Variants in MASP1 observed in about 807,000 individuals in gnomAD.
MASP1 encodes the protein mannan-binding lectin serine protease 1.
Under a neutral mutation model 77.1 loss-of-function variants are expected in MASP1, and 59 were observed. That is an observed-to-expected ratio of 0.77 (90% confidence interval 0.62 to 0.95). MASP1 has a LOEUF of 0.95. Among genes scored for constraint, MASP1 ranks in the 40% least tolerant of loss-of-function variants. The probability of loss-of-function intolerance (pLI) is 0.00; values close to 1 mark genes in which losing one functional copy is unlikely to be tolerated. For missense variants in MASP1, 885 were observed against 912.9 expected (o/e 0.97, Z 0.39); for synonymous variants, 362 against 354.5 (o/e 1.02, Z -0.24).
chr3:187,254,367 T>C (rs1714889271), intron 5 of MASP1, among the ~76,000 whole-genome samples: 1 of 152,100 alleles, frequency 6.6e-6, no homozygotes, highest in Admixed American at 6.6e-5. Context: ...AGGATGAGTA[T>C]GAGCCTATTT....
At chr3:187,276,457 T>G (rs1354777176) in intron 2 of MASP1, 1 of 152,240 alleles carries the variant, frequency 6.6e-6, no homozygotes, top group Non-Finnish European at 1.5e-5. Context: ...AACTTTTCCC[T>G]TTATAAGCAC....
intron 4 of MASP1, among the ~76,000 whole-genome samples, chr3:187,258,383 A>C (rs1030872045): frequency 6.6e-6 from 1 of 152,224 alleles, no homozygotes; most frequent in African/African-American, 2.4e-5. Context: ...TAATACATTT[A>C]ATGTGAAGTC....
At chr3:187,266,113 C>A (rs1381240924) in intron 2 of MASP1, among the ~76,000 whole-genome samples, 1 of 152,122 alleles carries the variant, frequency 6.6e-6, no homozygotes, top group Non-Finnish European at 1.5e-5. Context: ...ATAATGGAGA[C>A]CCATGTGGCT....
intron 2 of MASP1, chr3:187,276,849 A>G (rs1001283401): frequency 9.2e-5 from 14 of 152,184 alleles, no homozygotes; most frequent in African/African-American, 2.9e-4. Context: ...TTCTGGGGCC[A>G]AGGCCTCCTG....
In MASP1 at chr3:187,225,367, G is replaced by A. The variant is rs908912783; in HGVS notation, c.1698C>T (p.Ala566=). The A allele has an allele frequency of 6.2e-6, 10 of 1,613,802 alleles. No homozygotes were observed. In the African/African-American group the frequency reaches 1.3e-4, roughly 22 times the overall value. ...CAGGCAGACAGATGGGCATCACGAA[G>A]GCATTCAGCACTGGGCTCTCCAACA... Residue 566 remains alanine, a synonymous_variant, in exon 13 of 16, where the codon GCC becomes GCT. Coordinates refer to the MASP1 transcript ENST00000337774.
At chr3:187,225,887 T>C (rs1195115778) in intron 12 of MASP1, among the ~76,000 whole-genome samples, 2 of 152,240 alleles carry the variant, frequency 1.3e-5, no homozygotes, top group East Asian at 3.8e-4. Context: ...TCTGTTCTTC[T>C]TCTACAAAAC....
rs1417879490 is a variant in MASP1, at chr3:187,235,559, A to G, written c.*125T>C. The G allele has an allele frequency of 1.9e-6, 3 of 1,554,600 alleles. No homozygotes were observed. Among genetic ancestry groups the G allele is most frequent in the Non-Finnish European group, 2.6e-6 (3 of 1,158,834 alleles). On this transcript the variant is annotated 3_prime_UTR_variant, in exon 11 of 11. Coordinates refer to ENST00000296280, the MANE Select transcript of MASP1 (RefSeq NM_139125.4). Reference sequence around the variant, plus strand: ...TCAGGGTCCTGGGGGCTGTCTCGGTAGGAGAAGCCACCGCTAGGTCAGTGT... The same window carrying G: ...TCAGGGTCCTGGGGGCTGTCTCGGTGGGAGAAGCCACCGCTAGGTCAGTGT...
chr3:187,247,319 TG>T (rs1714172767), intron 8 of MASP1: 2 of 1,614,040 alleles, frequency 1.2e-6, no homozygotes, highest in African/African-American at 1.3e-5. Flanking sequence ...CTGCATTGTG[TG>T]GGGTCCCGTC....
At chr3:187,286,298 C>T (rs773155175) in intron 1 of MASP1, among the ~76,000 whole-genome samples, 4 of 152,188 alleles carry the variant, frequency 2.6e-5, no homozygotes, top group African/African-American at 7.2e-5. Flanking sequence ...ACTTAAACTC[C>T]TAGAAAGTAT....
intron 5 of MASP1, among the ~76,000 whole-genome samples, chr3:187,255,339 A>G (rs1714984011): frequency 6.6e-6 from 1 of 152,140 alleles, no homozygotes; most frequent in South Asian, 2.1e-4. Context: ...GAAGAAGGGG[A>G]TTTTAGTCTT....
At chr3:187,284,307 G>C (rs949977039) in intron 2 of MASP1, among the ~76,000 whole-genome samples, 1 of 152,106 alleles carries the variant, frequency 6.6e-6, no homozygotes, top group Non-Finnish European at 1.5e-5. Context: ...AGTGGTTCTG[G>C]GACATTGAAC....
Position 187,285,891 on chromosome 3 carries a change from C to T in MASP1, c.171G>A (p.Arg57=). ...TWNITVPDGF[R]IKLYFMHFNL... is the part of the protein sequence containing the mutation. ...TGAAGTGCATGAAGTAAAGCTTGAT[C>T]CGAAACCCATCTGGGACAGTGATAT... The change falls in exon 2 of 11, where the codon CGG becomes CGA. Residue 57 remains arginine (R), a synonymous_variant. Transcript: ENST00000296280. The T allele has an allele frequency of 6.2e-7, 1 of 1,614,196 alleles. No homozygotes were observed. The highest frequency in any genetic ancestry group is 8.5e-7 in the Non-Finnish European group (1 of 1,180,028).
Position 187,234,314 on chromosome 3 carries a change from T to TG in MASP1, c.*1369_*1370insC. 7.8e-7 allele frequency: 1 copy of TG among 1,287,148 alleles called. No homozygotes were observed. Among genetic ancestry groups the TG allele is most frequent in the Non-Finnish European group, 1.0e-6 (1 of 988,682 alleles). 79.7% of individuals were successfully genotyped at this position (1,287,148 alleles called of 1,614,324 possible). On this transcript the variant is annotated 3_prime_UTR_variant, in exon 11 of 11. Coordinates refer to ENST00000296280, the MANE Select transcript of MASP1 (RefSeq NM_139125.4). ...CTGGCTGCCTTGCTCTGATGGAGAT[T>TG]TTCAGGAGAGAGAGCTCCAGGGAGA... is the stretch of plus-strand genomic sequence containing the variant.
chr3:187,249,836 T>C (rs1415999886), intron 8 of MASP1, among the ~76,000 whole-genome samples: 2 of 152,200 alleles, frequency 1.3e-5, no homozygotes, highest in Non-Finnish European at 2.9e-5. Flanking sequence ...AATCATGAGC[T>C]GTCTCAGAAG....
At chr3:187,271,828 C>T (rs537426628) in intron 2 of MASP1, among the ~76,000 whole-genome samples, 1 of 152,320 alleles carries the variant, frequency 6.6e-6, no homozygotes, top group Admixed American at 6.5e-5. Flanking sequence ...ACCCTCCTCC[C>T]CCCTTGTCTT....
chr3:187,228,069 T>A (rs772155513), intron 11 of MASP1, among the ~76,000 whole-genome samples: 3 of 152,048 alleles, frequency 2.0e-5, no homozygotes, highest in Non-Finnish European at 4.4e-5. Flanking sequence ...GGTAGAGAAG[T>A]GAACGTCAAA....
At position 187,253,204 on chromosome 3, in the gene MASP1, C is replaced by T. The variant is rs1311333773; in HGVS notation, c.856G>A (p.Glu286Lys). 10 of 1,614,068 alleles carry T rather than the reference C, an allele frequency of 6.2e-6. No individual in the cohort carries two copies. Among genetic ancestry groups the T allele is most frequent in the Non-Finnish European group, 8.5e-6 (10 of 1,180,036 alleles). Residue 286 changes from glutamate to lysine, a missense_variant, in exon 6 of 11, where the codon GAG becomes AAG. By Grantham distance (56) the Glu-to-Lys change is moderately conservative (BLOSUM62 1). Coordinates refer to ENST00000296280, the MANE Select transcript of MASP1 (RefSeq NM_139125.4). ...LILFHSDNSG[E>K]NRGWRLSYRA... ...TATGAGAGCCTCCAGCCCCGGTTCT[C>T]TCCCGAGTTGTCACTATGGAACAGG...
At chr3:187,291,495 A>G in intron 1 of MASP1, 133 bp downstream of exon 1, 1 of 1,229,312 alleles carries the variant, frequency 8.1e-7, no homozygotes, top group South Asian at 1.2e-5. Flanking sequence ...AGCCCTAAGA[A>G]TTGATGAGAA....
At chr3:187,225,686 C>T (rs1041050493) in intron 12 of MASP1, among the ~76,000 whole-genome samples, 2 of 152,218 alleles carry the variant, frequency 1.3e-5, no homozygotes, top group Non-Finnish European at 2.9e-5. Context: ...TACATAATCT[C>T]ATGGGTCCCC....
Sources: allele counts gnomAD v4.1 joint callset (sites outside exome capture counted in the v4.1 genomes callset), GRCh38; gene constraint gnomAD v4.1.1; transcripts MANE v1.5; gene names NCBI Gene and HGNC (gene_info 2026-07-23, HGNC 2026-07-21).